Variants in SNRPN observed in about 807,000 individuals in gnomAD.
SNRPN encodes small nuclear ribonucleoprotein-associated protein N.
In SNRPN, 7 loss-of-function variants were observed where a neutral mutation model predicts 25.2. The ratio of observed to expected loss-of-function variants is 0.28; its 90% CI spans 0.16 to 0.52. The LOEUF (loss-of-function observed/expected upper bound fraction) is 0.52, where lower values mean the gene tolerates loss of function less well. Ranked by LOEUF, SNRPN falls within the 20% of genes least tolerant of loss-of-function variation. The pLI is 0.96. For synonymous variants in SNRPN, 124 were observed against 110.6 expected, an observed-to-expected ratio of 1.12 and a Z score of -0.76; for missense variants, 196 against 322.5, an observed-to-expected ratio of 0.61 and a Z score of 3.00.
At chr15:24,903,991 G>T (rs577549268) in intron 2 of SNRPN, among the ~76,000 whole-genome samples, 1 of 151,082 alleles carries the variant, frequency 6.6e-6, no homozygotes, top group Non-Finnish European at 1.5e-5. Flanking sequence ...CAGAGCTGAG[G>T]TCTGGCCACT....
chr15:24,852,124 C>G (rs1394043979), upstream of SNRPN: 4 of 152,162 alleles, frequency 2.6e-5, no homozygotes, highest in Non-Finnish European at 5.9e-5. Context: ...TTAGTGTCTC[C>G]TCATTTCATG....
intron 2 of SNRPN, among the ~76,000 whole-genome samples, chr15:24,891,436 GTT>G (rs1183958803): frequency 6.8e-6 from 1 of 147,828 alleles, no homozygotes; most frequent in Non-Finnish European, 1.5e-5. Flanking sequence ...GCCCAGTAGA[GTT>G]TTTTTTTTCT....
intron 3 of SNRPN, among the ~76,000 whole-genome samples, chr15:24,973,085 C>T (rs1051563821): frequency 1.3e-4 from 20 of 152,110 alleles, no homozygotes; most frequent in Admixed American, 5.9e-4. Context: ...ATAGGGTTTT[C>T]GCCATGTTGG....
At chr15:24,867,488 C>T (rs1480678394) in intron 1 of SNRPN, among the ~76,000 whole-genome samples, 2 of 151,980 alleles carry the variant, frequency 1.3e-5, no homozygotes, top group Non-Finnish European at 2.9e-5. Flanking sequence ...CATTCTCCTG[C>T]CTCAGCCTCC....
chr15:24,854,021 T>C (rs2053143647), upstream of SNRPN, among the ~76,000 whole-genome samples: 1 of 152,232 alleles, frequency 6.6e-6, no homozygotes, highest in African/African-American at 2.4e-5. Flanking sequence ...TTTCACTCAT[T>C]TATTTATATC....
chr15:24,883,505 C>T (rs970057380), intron 1 of SNRPN, among the ~76,000 whole-genome samples: 5 of 152,198 alleles, frequency 3.3e-5, no homozygotes, highest in Non-Finnish European at 4.4e-5. Context: ...CACTGCACTC[C>T]AACCTCTGTC....
upstream of SNRPN, among the ~76,000 whole-genome samples, chr15:24,852,971 A>ATTTT (rs1353266843): frequency 3.3e-5 from 5 of 152,142 alleles, no homozygotes; most frequent in African/African-American, 1.2e-4. Context: ...ACAGAGAAAA[A>ATTTT]TAATTTTTAA....
intron 2 of SNRPN, among the ~76,000 whole-genome samples, chr15:24,895,400 AACACACACACACACACACACAC>A (rs10558727): frequency 1.4e-5 from 2 of 147,232 alleles, no homozygotes; most frequent in African/African-American, 5.0e-5. Context: ...AATACACCCA[AACACACACACACACACACACAC>A]ACACACACAC....
chr15:24,907,000 A>G (rs1330758518), intron 2 of SNRPN, among the ~76,000 whole-genome samples: 1 of 151,976 alleles, frequency 6.6e-6, no homozygotes, highest in Non-Finnish European at 1.5e-5. Flanking sequence ...AGGGGCTTGA[A>G]GGGGGAAATA....
At chr15:24,841,746 G>C (rs1022094159) in intron 2 of SNRPN, among the ~76,000 whole-genome samples, 1 of 152,038 alleles carries the variant, frequency 6.6e-6, no homozygotes. Flanking sequence ...TTATCCTTTC[G>C]AGCCTGACTC....
chr15:24,881,703 T>C (rs920302804), intron 1 of SNRPN, among the ~76,000 whole-genome samples: 3 of 151,680 alleles, frequency 2.0e-5, no homozygotes, highest in Non-Finnish European at 4.4e-5. Flanking sequence ...CATTTAAAAA[T>C]CGAAGAACCG....
intron 1 of SNRPN, among the ~76,000 whole-genome samples, chr15:24,863,942 A>C (rs2054266596): frequency 6.7e-6 from 1 of 148,938 alleles, no homozygotes; most frequent in Admixed American, 6.6e-5. Context: ...TCTACTTTTA[A>C]GTTTCCTATG....
chr15:24,970,999 TC>T (rs1431129663), intron 3 of SNRPN, among the ~76,000 whole-genome samples: 2 of 152,196 alleles, frequency 1.3e-5, no homozygotes, highest in Non-Finnish European at 2.9e-5. Flanking sequence ...ATACTGATAT[TC>T]CATGGTGTGT....
At chr15:24,856,703 T>A (rs2053428616) in exon 1 of SNRPN, 1 of 152,220 alleles carries the variant, frequency 6.6e-6, no homozygotes, top group South Asian at 2.1e-4. Flanking sequence ...ACTTAACAGC[T>A]TCAGGCTTTC....
At chr15:24,965,848 C>A (rs1016480124) in intron 2 of SNRPN, among the ~76,000 whole-genome samples, 1 of 151,600 alleles carries the variant, frequency 6.6e-6, no homozygotes, top group Non-Finnish European at 1.5e-5. Context: ...AATTATCTTA[C>A]GTTTCAAGAT....
intron 1 of SNRPN, among the ~76,000 whole-genome samples, chr15:24,871,992 A>C (rs2055181481): frequency 8.3e-6 from 1 of 120,826 alleles, no homozygotes; most frequent in Non-Finnish European, 1.8e-5. Flanking sequence ...GGCGTAAGCC[A>C]CCACGCCCGG....
intron 1 of SNRPN, among the ~76,000 whole-genome samples, chr15:24,884,161 A>AG (rs1258185033): frequency 6.6e-6 from 1 of 150,992 alleles, no homozygotes; most frequent in Non-Finnish European, 1.5e-5. Context: ...AAAAAAAAAA[A>AG]AAAGATCTAT....
At chr15:24,853,628 C>T (rs764732737), upstream of SNRPN, among the ~76,000 whole-genome samples, 10 of 152,122 alleles carry the variant, frequency 6.6e-5, no homozygotes, top group Non-Finnish European at 1.2e-4. Context: ...CTCCTGACCT[C>T]GTGATCTGCC....
At chr15:24,838,400 T>C (rs1341018926) in intron 2 of SNRPN, among the ~76,000 whole-genome samples, 1 of 152,080 alleles carries the variant, frequency 6.6e-6, no homozygotes, top group Non-Finnish European at 1.5e-5. Context: ...GTACACAGTT[T>C]ATAGAGTTTC....
Sources: gnomAD v4.1 joint callset for allele counts (sites outside exome capture counted in the v4.1 genomes callset) on GRCh38, gnomAD v4.1.1 for gene constraint, MANE v1.5 for transcripts, NCBI Gene and HGNC (gene_info 2026-07-23, HGNC 2026-07-21) for gene names.